Variants in SYK observed in about 807,000 individuals in gnomAD.
SYK encodes tyrosine-protein kinase SYK.
A neutral mutation model predicts 77.8 loss-of-function variants in SYK; 16 were observed. The observed-to-expected ratio is 0.21, with a 90% CI of 0.14 to 0.31. The LOEUF (loss-of-function observed/expected upper bound fraction) is 0.31, where lower values mean the gene tolerates loss of function less well. Ranked by LOEUF, SYK falls within the 10% of genes least tolerant of loss-of-function variation. The pLI is 1.00. For synonymous variants in SYK, 312 were observed against 308.7 expected (o/e 1.01, Z -0.11); for missense variants, 529 against 814.4 (o/e 0.65, Z 4.26).
intron 1 of SYK, among the ~76,000 whole-genome samples, chr9:90,821,968 A>G (rs1380524510): frequency 3.9e-5 from 6 of 152,116 alleles, no homozygotes; most frequent in Non-Finnish European, 8.8e-5. Flanking sequence ...ATAGATATGA[A>G]ATAAGGTGCC....
intron 1 of SYK, among the ~76,000 whole-genome samples, chr9:90,802,380 A>G: frequency 6.6e-6 from 1 of 152,246 alleles, no homozygotes; most frequent in East Asian, 1.9e-4. Context: ...GAGCTTAGAC[A>G]AATCTTTTAC....
chr9:90,874,882 A>T, intron 9 of SYK, 33 bp downstream of exon 9: 1 of 1,611,570 alleles, frequency 6.2e-7, no homozygotes, highest in Non-Finnish European at 8.5e-7. Context: ...CCTCACCCTC[A>T]CATGAGCTCA....
Position 90,844,108 on chromosome 9 carries a change from G to A in SYK, c.210G>A (p.Leu70=), listed in dbSNP as rs2118633834. The part of the protein sequence containing the change: ...KAHHYTIERE[L]NGTYAIAGGR... ...ACCACTACACCATCGAGCGGGAGCT[G>A]AATGGCACCTACGCCATCGCCGGTG... is the stretch of plus-strand genomic sequence containing the variant. The change falls in exon 2 of 14, where the codon CTG becomes CTA. Residue 70 remains leucine, a synonymous_variant. Coordinates refer to ENST00000375754, the MANE Select transcript of SYK (RefSeq NM_003177.7). The A allele has an allele frequency of 6.2e-7, 1 of 1,613,622 alleles. No individual in the cohort carries two copies. The highest frequency in any genetic ancestry group is 1.1e-5 in the South Asian group (1 of 91,012).
At chr9:90,845,741 A>G in intron 3 of SYK, 147 bp downstream of exon 3, 2 of 927,538 alleles carry the variant, frequency 2.2e-6, no homozygotes, top group Non-Finnish European at 3.1e-6. Flanking sequence ...GGCCTGTTCT[A>G]AAGACATTTC....
intron 1 of SYK, among the ~76,000 whole-genome samples, chr9:90,805,341 C>T (rs747563391): frequency 3.3e-5 from 5 of 152,278 alleles, no homozygotes; most frequent in East Asian, 1.9e-4. Flanking sequence ...TGTCCTGGAG[C>T]GCTGGAAGGG....
Position 90,898,509 on chromosome 9 carries a change from A to T in SYK, c.*2909A>T. ...GAAGAGCTACATTGTGTCACTGGAC[A>T]TTTTTAAAAACTGTGATTTTTAATA... On this transcript the variant is annotated 3_prime_UTR_variant, in exon 14 of 14. Transcript: ENST00000375754. 1 of 211,192 alleles carries T rather than the reference A, an allele frequency of 4.7e-6. No homozygotes were observed. Among genetic ancestry groups the T allele is most frequent in the Non-Finnish European group, 9.6e-6 (1 of 104,186 alleles). The allele number at this position is 211,192 out of a possible 1,614,324, so 13.1% of individuals were successfully genotyped here.
intron 1 of SYK, among the ~76,000 whole-genome samples, chr9:90,812,900 G>A (rs1007767822): frequency 6.6e-6 from 1 of 152,152 alleles, no homozygotes; most frequent in African/African-American, 2.4e-5. Flanking sequence ...AGGCTTTAGA[G>A]TGAGAATGTC....
At chr9:90,883,543 T>C (rs1015046946) in intron 11 of SYK, among the ~76,000 whole-genome samples, 7 of 152,106 alleles carry the variant, frequency 4.6e-5, no homozygotes, top group African/African-American at 1.4e-4. Context: ...GGCCCTACCC[T>C]TTCTGGTGGT....
At chr9:90,838,307 C>T (rs763692911) in intron 1 of SYK, among the ~76,000 whole-genome samples, 1 of 152,182 alleles carries the variant, frequency 6.6e-6, no homozygotes, top group East Asian at 1.9e-4. Flanking sequence ...AGAGCTGGCC[C>T]TCTGGTGGGA....
At chr9:90,805,483 T>A (rs996623192) in intron 1 of SYK, among the ~76,000 whole-genome samples, 1 of 152,190 alleles carries the variant, frequency 6.6e-6, no homozygotes, top group African/African-American at 2.4e-5. Context: ...ACCTGGATAC[T>A]GTGAACTAGG....
chr9:90,873,086 T>C (rs1413089934), intron 7 of SYK, among the ~76,000 whole-genome samples: 1 of 152,176 alleles, frequency 6.6e-6, no homozygotes, highest in East Asian at 1.9e-4. Context: ...AAGGTCCGGG[T>C]GTTTGGAAAC....
At chr9:90,840,554 T>TAA (rs71360457) in intron 1 of SYK, among the ~76,000 whole-genome samples, 3,639 of 106,860 alleles carry the variant, frequency 0.034, 137 homozygotes, top group African/African-American at 0.086. Flanking sequence ...CCGTCTCTTC[T>TAA]AAAAAAAAAA....
chr9:90,877,633 A>T lies in SYK; in HGVS notation c.1244A>T (p.Asp415Val). 2.5e-6 allele frequency: 4 copies of T among 1,614,252 alleles called. No homozygotes were observed. Among genetic ancestry groups the T allele is most frequent in the Non-Finnish European group, 3.4e-6 (4 of 1,180,034 alleles). ...GAGGCCAATGACCCCGCTCTTAAAG[A>T]TGAGTTATTAGCAGAAGCAAATGTC... ...KNEANDPALK[D>V]ELLAEANVMQ... Residue 415 changes from aspartate (D) to valine (V), a missense_variant, in exon 10 of 14, where the codon GAT becomes GTT. By Grantham distance (152) the Asp-to-Val change is radical (BLOSUM62 -3). This residue lies in a region of SYK where 208 missense variants were observed against 381.3 expected (regional missense o/e 0.55). Coordinates refer to ENST00000375754, the MANE Select transcript of SYK (RefSeq NM_003177.7).
At chr9:90,883,148 G>A (rs1458596202) in intron 11 of SYK, among the ~76,000 whole-genome samples, 1 of 152,028 alleles carries the variant, frequency 6.6e-6, no homozygotes, top group Non-Finnish European at 1.5e-5. Flanking sequence ...ACCAGGCCAA[G>A]GACAGAGGGG....
intron 1 of SYK, among the ~76,000 whole-genome samples, chr9:90,826,646 C>T (rs779384878): frequency 8.5e-5 from 13 of 152,186 alleles, no homozygotes; most frequent in Admixed American, 3.3e-4. Flanking sequence ...TTTTATCTTG[C>T]GTTTCCAGGG....
At chr9:90,890,978 G>C (rs1675334) in intron 13 of SYK, among the ~76,000 whole-genome samples, 90,686 of 151,926 alleles carry the variant, frequency 0.6, 27,337 homozygotes, top group Middle Eastern at 0.73. Flanking sequence ...GGCTCCGTGT[G>C]GAAATGCAAG....
rs191082286 is a variant in SYK, at chr9:90,895,700, G to A, written c.*100G>A. On this transcript the variant is annotated 3_prime_UTR_variant, in exon 14 of 14. Transcript: ENST00000375754. This position sits in a 1 kb window ranked among gnomAD's most constrained non-coding sequence, Gnocchi z 4.4. ...TGTCAGCCACCTCCCTCTGCCAGTC[G>A]GGAGAGCCAGGCTTGGATGGAACAT... The A allele has an allele frequency of 9.1e-5, 103 of 1,126,012 alleles. No homozygotes were observed. Among genetic ancestry groups the A allele is most frequent in the Admixed American group, 3.7e-4 (20 of 54,514 alleles). 69.8% of individuals were successfully genotyped at this position (1,126,012 alleles called of 1,614,324 possible).
At chr9:90,807,531 AC>A (rs5899106) in intron 1 of SYK, among the ~76,000 whole-genome samples, 35,428 of 151,854 alleles carry the variant, frequency 0.23, 4,164 homozygotes, top group Middle Eastern at 0.35. Context: ...AGTGCTCGGT[AC>A]CTGGTATGTG....
chr9:90,845,411 CT>C, intron 2 of SYK, 22 bp from the exon 3 acceptor site: 1 of 1,608,012 alleles, frequency 6.2e-7, no homozygotes, highest in Non-Finnish European at 8.5e-7. Context: ...ATGGTTTACT[CT>C]GCTTTGCTCT....
Sources: allele counts gnomAD v4.1 joint callset (sites outside exome capture counted in the v4.1 genomes callset), GRCh38; gene constraint gnomAD v4.1.1; regional missense constraint gnomAD v4.1.1; non-coding constraint Gnocchi (gnomAD v3.1); transcripts MANE v1.5; gene names NCBI Gene and HGNC (gene_info 2026-07-23, HGNC 2026-07-21).